Variants in SECISBP2L observed in about 807,000 individuals in gnomAD.
SECISBP2L encodes selenocysteine insertion sequence-binding protein 2-like.
Under a neutral mutation model 114.7 loss-of-function variants are expected in SECISBP2L, and 43 were observed. The observed-to-expected ratio is 0.38, with a 90% CI of 0.29 to 0.48. The LOEUF is 0.48. Ranked by LOEUF, SECISBP2L falls within the 20% of genes least tolerant of loss-of-function variation. SECISBP2L has a pLI of 0.98. For synonymous variants in SECISBP2L, 451 were observed against 439.7 expected (o/e 1.03, Z -0.32); for missense variants, 1,136 against 1,301.1 (o/e 0.87, Z 1.95).
chr15:49,003,497 G>C (rs1049096824), intron 14 of SECISBP2L, among the ~76,000 whole-genome samples: 1 of 152,176 alleles, frequency 6.6e-6, no homozygotes, highest in Non-Finnish European at 1.5e-5. Context: ...CAGTGAGAGA[G>C]GGCATCCTTG....
rs73404249 is a variant in SECISBP2L at position 48,991,779 on chromosome 15, T to C, written c.*465A>G. The C allele has an allele frequency of 0.02, 3,154 of 154,014 alleles. 114 individuals are homozygous for C. Among genetic ancestry groups the C allele is most frequent in the African/African-American group, 0.073 (3,036 of 41,566 alleles). The allele number at this position is 154,014 out of a possible 1,614,324, so 9.5% of individuals were successfully genotyped here. On this transcript the variant is annotated 3_prime_UTR_variant, in exon 18 of 18. Transcript: ENST00000559471. ...TTTTAACATACAACACTGGTGGACT[T>C]AGTTACCCTCAGCCTTTCATTTAAT...
chr15:49,033,898 C>T (rs964075900), intron 3 of SECISBP2L, among the ~76,000 whole-genome samples: 1 of 152,120 alleles, frequency 6.6e-6, no homozygotes, highest in Non-Finnish European at 1.5e-5. Flanking sequence ...TATAAGTATT[C>T]ATCACTTAAT....
chr15:49,016,609 TTGC>T lies in SECISBP2L; in HGVS notation c.1509_1511del (p.Gln504del). ...TAGTAATTTGCCGTGCTTTCATTGC[TTGC>T]TGTTGTTTTTCCAGAGCAGCTAACA... On this transcript the variant is annotated inframe_deletion, in exon 11 of 18. Coordinates refer to ENST00000559471, the MANE Select transcript of SECISBP2L (RefSeq NM_001193489.2). 6.2e-7 allele frequency: 1 copy of T among 1,610,694 alleles called. No homozygotes were observed. The highest frequency in any genetic ancestry group is 8.5e-7 in the Non-Finnish European group (1 of 1,178,018).
intron 14 of SECISBP2L, among the ~76,000 whole-genome samples, chr15:49,006,628 T>C (rs111421101): frequency 0.054 from 8,146 of 152,202 alleles, 274 homozygotes; most frequent in East Asian, 0.15. Flanking sequence ...TTTAAACTGG[T>C]TATTCTAGTT....
At chr15:48,993,373 C>T (rs543607458) in intron 17 of SECISBP2L, among the ~76,000 whole-genome samples, 3 of 152,068 alleles carry the variant, frequency 2.0e-5, no homozygotes, top group African/African-American at 4.8e-5. Flanking sequence ...AGTATATTAA[C>T]GCTTCAGAAT....
rs372957861 is a variant in SECISBP2L at position 48,999,857 on chromosome 15, T to C, written c.2379A>G (p.Gly793=). The change falls in exon 16 of 18, where the codon GGA becomes GGG. Residue 793 remains glycine, a synonymous_variant. Coordinates refer to ENST00000559471, the MANE Select transcript of SECISBP2L (RefSeq NM_001193489.2). Reference sequence around the variant, plus strand: ...CCTCAGCACCAAAGTAGTTGAAGATTCCCACTACGCTAACAGGAACCAGCT... The same window carrying C: ...CCTCAGCACCAAAGTAGTTGAAGATCCCCACTACGCTAACAGGAACCAGCT... ...VNKLVPVSVV[G]IFNYFGAESL... The C allele has an allele frequency of 2.5e-6, 4 of 1,613,890 alleles. 1 individual carries two copies. In the African/African-American group the frequency reaches 5.3e-5, roughly 22 times the overall value.
At chr15:49,014,569 G>A (rs537847300) in intron 11 of SECISBP2L, among the ~76,000 whole-genome samples, 5 of 151,900 alleles carry the variant, frequency 3.3e-5, no homozygotes, top group Non-Finnish European at 4.4e-5. Context: ...TAGTAACATC[G>A]CAGCCCTTAT....
intron 5 of SECISBP2L, 90 bp downstream of exon 5, chr15:49,028,363 T>C: frequency 7.9e-7 from 1 of 1,263,748 alleles, no homozygotes; most frequent in Non-Finnish European, 1.1e-6. Flanking sequence ...GAATTGCTAA[T>C]GAAAACAGAT....
intron 4 of SECISBP2L, among the ~76,000 whole-genome samples, chr15:49,031,349 T>G (rs1902885924): frequency 6.6e-6 from 1 of 152,270 alleles, no homozygotes; most frequent in Middle Eastern, 3.4e-3. Flanking sequence ...GCGCTCAGCC[T>G]ATTCTTACCA....
chr15:49,037,857 T>C (rs1903045594), intron 1 of SECISBP2L, 88 bp from the exon 2 acceptor site: 1 of 1,082,296 alleles, frequency 9.2e-7, no homozygotes, highest in African/African-American at 1.6e-5. Context: ...AGTCAGTCCT[T>C]ATAAACAGTA....
intron 1 of SECISBP2L, among the ~76,000 whole-genome samples, chr15:49,039,257 G>A (rs906900918): frequency 2.0e-5 from 3 of 151,950 alleles, no homozygotes; most frequent in Non-Finnish European, 2.9e-5. Context: ...AACATAAGAG[G>A]CAAAAATATC....
At chr15:49,046,169 G>A (rs1903244866) in intron 1 of SECISBP2L, 107 bp downstream of exon 1, 2 of 1,331,072 alleles carry the variant, frequency 1.5e-6, no homozygotes, top group South Asian at 1.3e-5. Context: ...GGGGTCTGCG[G>A]CCGCAGGACC....
Sources: allele counts gnomAD v4.1 joint callset (sites outside exome capture counted in the v4.1 genomes callset), GRCh38; gene constraint gnomAD v4.1.1; transcripts MANE v1.5; gene names NCBI Gene and HGNC (gene_info 2026-07-23, HGNC 2026-07-21).